Variants in METTL23 observed in about 807,000 individuals in gnomAD.
The protein encoded by METTL23 is histone-arginine methyltransferase METTL23.
A neutral mutation model predicts 21.2 loss-of-function variants in METTL23; 24 were observed. The ratio of observed to expected loss-of-function variants is 1.13; its 90% CI spans 0.82 to 1.59. METTL23 has a LOEUF of 1.59. Ranked by LOEUF, METTL23 falls within the 40% of genes most tolerant of loss-of-function variation. METTL23 has a pLI of 0.00. For synonymous variants in METTL23, 97 were observed against 75.2 expected (o/e 1.29, Z -1.50); for missense variants, 276 against 221.4 (o/e 1.25, Z -1.57).
At chr17:76,731,407 G>C (rs895127884) in intron 2 of METTL23, among the ~76,000 whole-genome samples, 1 of 152,196 alleles carries the variant, frequency 6.6e-6, no homozygotes, top group Admixed American at 6.5e-5. Context: ...TAAGTGTCTT[G>C]TACCTTAAGA....
Position 76,727,175 on chromosome 17 carries a change from G to T in METTL23, c.-25G>T, listed in dbSNP as rs1427702916. 1 of 414,970 alleles carries T rather than the reference G, an allele frequency of 2.4e-6. No individual in the cohort carries two copies. The highest frequency in any genetic ancestry group is 1.6e-5 in the South Asian group (1 of 61,216). 25.7% of individuals were successfully genotyped at this position (414,970 alleles called of 1,614,324 possible). A position where few individuals can be genotyped will look rare whatever the true frequency, so the allele number is the denominator to read the frequency against. The stretch of plus-strand genomic sequence containing the variant: ...GGGCTGTCCTGGAGGTCCACGTCCC[G>T]CAGGTGCGTGCAGCAGCACCCGCCA... On this transcript the variant is annotated 5_prime_UTR_variant, in exon 1 of 5. Transcript: ENST00000341249.
chr17:76,732,856 C>T (rs4789351), intron 2 of METTL23, 122 bp from the exon 3 acceptor site: 758,079 of 783,080 alleles, frequency 0.97, 369,863 homozygotes, highest in Non-Finnish European at 1. Flanking sequence ...TTTATACAAA[C>T]CCAGAAAGAC....
rs1033547068 is a variant in METTL23 at position 76,727,065 on chromosome 17, C to G, written c.-135C>G. On this transcript the variant is annotated 5_prime_UTR_variant, in exon 1 of 5. Coordinates refer to ENST00000341249, the MANE Select transcript of METTL23 (RefSeq NM_001080510.5). ...CGCCCGCCCGGGGCCCAACGACGCC[C>G]TACTGGGCGAGCACGATTTCCGAGG... 2 of 455,042 alleles carry G rather than the reference C, an allele frequency of 4.4e-6. No homozygotes were observed. The highest frequency in any genetic ancestry group is 8.8e-6 in the Non-Finnish European group (2 of 226,394). 28.2% of individuals were successfully genotyped at this position (455,042 alleles called of 1,614,324 possible).
chr17:76,729,093 C>G (rs993731240), intron 1 of METTL23, among the ~76,000 whole-genome samples: 2 of 150,552 alleles, frequency 1.3e-5, no homozygotes, highest in Non-Finnish European at 3.0e-5. Context: ...CCCACCACGC[C>G]CGGCCATTTT....
intron 2 of METTL23, chr17:76,732,746 T>C (rs2077272751): frequency 1.2e-5 from 7 of 570,734 alleles, no homozygotes; most frequent in African/African-American, 5.6e-5. Context: ...CATGGCCCTT[T>C]AATATTGAAA....
Position 76,726,902 on chromosome 17 carries a change from C to T in METTL23, c.-298C>T. 2.2e-6 allele frequency: 1 copy of T among 453,298 alleles called. No individual in the cohort carries two copies. Among genetic ancestry groups the T allele is most frequent in the Non-Finnish European group, 4.5e-6 (1 of 224,018 alleles). 28.1% of individuals were successfully genotyped at this position (453,298 alleles called of 1,614,324 possible). A position where few individuals can be genotyped will look rare whatever the true frequency, so the allele number is the denominator to read the frequency against. On this transcript the variant is annotated 5_prime_UTR_variant, in exon 1 of 5. Transcript: ENST00000341249. ...CGTGTGAGTCTCTTTCGCCTTGCTC[C>T]GGGCTTTCTTCGCTCGCAGCGCGGC... is the stretch of plus-strand genomic sequence containing the variant.
At chr17:76,726,543 C>T (rs767945332), upstream of METTL23, 25 of 1,513,854 alleles carry the variant, frequency 1.7e-5, no homozygotes, top group Non-Finnish European at 2.2e-5. Flanking sequence ...TAACGCACCC[C>T]TCCCCGGCCT....
chr17:76,729,825 T>A, intron 2 of METTL23, 31 bp downstream of exon 2: 1 of 1,502,580 alleles, frequency 6.7e-7, no homozygotes, highest in Admixed American at 1.9e-5. Context: ...TCCAGAGTTC[T>A]AGGTTATGTT....
At position 76,733,216 on chromosome 17, in the gene METTL23, G is replaced by GT. The variant is rs1278342620; in HGVS notation, c.322+2dup. ...TCTGATGTGTTCTTTGAACCAGAAG[G>GT]TAAGCTTTTTTGGCTCAATAGTACA... On this transcript the variant is annotated splice_donor_variant, in intron 3 of 4. Transcript: ENST00000341249. LOFTEE classifies it high-confidence loss of function. The GT allele has an allele frequency of 8.1e-6, 13 of 1,613,366 alleles. No individual in the cohort carries two copies. Among genetic ancestry groups the GT allele is most frequent in the Non-Finnish European group, 1.0e-5 (12 of 1,179,584 alleles).
In METTL23 at chr17:76,733,392, C is replaced by T. The variant is rs1347965470; in HGVS notation, c.407+15C>T. ...CAAGTTAGGAGGCAAGTATGGATGA[C>T]CCTTACTTTTTATATGTAACTTAAG... On this transcript the variant is annotated intron_variant, in intron 4 of 4. Coordinates refer to ENST00000341249, the MANE Select transcript of METTL23 (RefSeq NM_001080510.5). The T allele has an allele frequency of 1.9e-6, 3 of 1,610,614 alleles. No homozygotes were observed. Among genetic ancestry groups the T allele is most frequent in the East Asian group, 2.2e-5 (1 of 44,868 alleles).
intron 2 of METTL23, 116 bp from the exon 3 acceptor site, chr17:76,732,862 A>C (rs1054836268): frequency 1.5e-5 from 12 of 823,798 alleles, no homozygotes; most frequent in African/African-American, 3.4e-5. Context: ...CAAACCCAGA[A>C]AGACTGACTC....
At chr17:76,726,362 G>A (rs762967784), upstream of METTL23, 2 of 1,592,430 alleles carry the variant, frequency 1.3e-6, no homozygotes, top group Middle Eastern at 1.7e-4. Flanking sequence ...CGGCCGCCGG[G>A]CTCAGCGAGA....
rs1446972333 is a variant in METTL23 at position 76,726,862 on chromosome 17, G to A, written c.-338G>A. The A allele has an allele frequency of 4.8e-6, 2 of 414,980 alleles. No individual in the cohort carries two copies. The highest frequency in any genetic ancestry group is 8.0e-5 in the East Asian group (1 of 12,472). The allele number at this position is 414,980 out of a possible 1,614,324, so 25.7% of individuals were successfully genotyped here. On this transcript the variant is annotated 5_prime_UTR_variant, in exon 1 of 5. Coordinates refer to ENST00000341249, the MANE Select transcript of METTL23 (RefSeq NM_001080510.5). ...TCACTTCCGGTCGCGCCAGCCGCCC[G>A]TTGCCAGTTCTGCGCGTGTGAGTCT...
intron 2 of METTL23, among the ~76,000 whole-genome samples, chr17:76,732,408 G>T (rs185128795): frequency 1.3e-5 from 2 of 152,070 alleles, no homozygotes; most frequent in Admixed American, 6.6e-5. Flanking sequence ...GGCTGAGGCA[G>T]AATTGCTTGA....
rs527832762 is a variant in METTL23, at chr17:76,733,621, T to C, written c.508T>C (p.Ser170Pro). 8.7e-6 allele frequency: 14 copies of C among 1,613,916 alleles called. No individual in the cohort carries two copies. The South Asian group carries it at 1.5e-4, about 18-fold the overall frequency. The change falls in exon 5 of 5, where the codon TCT (serine) becomes CCT (proline). Residue 170 changes from serine to proline, a missense_variant. Transcript: ENST00000341249. ...TGCAGACAAAGAAGATATAGCAGAA[T>C]CTACCCTTCCAGGAAGACATACAGT... ...FDADKEDIAE[S>P]TLPGRHTVEM...
intron 2 of METTL23, 119 bp from the exon 3 acceptor site, chr17:76,732,859 A>T: frequency 1.2e-6 from 1 of 812,142 alleles, no homozygotes; most frequent in Non-Finnish European, 2.0e-6. Flanking sequence ...ATACAAACCC[A>T]GAAAGACTGA....
At chr17:76,728,822 C>T (rs1292310704) in intron 1 of METTL23, among the ~76,000 whole-genome samples, 10 of 118,424 alleles carry the variant, frequency 8.4e-5, no homozygotes, top group Non-Finnish European at 1.5e-4. Flanking sequence ...GAGTTGGAGT[C>T]TTGCTCTGTC....
chr17:76,729,668 C>T (rs1218947216), intron 1 of METTL23, 22 bp from the exon 2 acceptor site: 5 of 1,459,806 alleles, frequency 3.4e-6, no homozygotes, highest in Non-Finnish European at 4.7e-6. Context: ...TTATTTATGG[C>T]ACACAAAAAC....
chr17:76,732,684 A>T (rs186704375), intron 2 of METTL23: 243 of 420,824 alleles, frequency 5.8e-4, no homozygotes, highest in African/African-American at 4.3e-3. Context: ...AGAGGAATCA[A>T]GTGCCCCAAA....
Sources: gnomAD v4.1 joint callset for allele counts (sites outside exome capture counted in the v4.1 genomes callset) on GRCh38, gnomAD v4.1.1 for gene constraint, MANE v1.5 for transcripts, NCBI Gene and HGNC (gene_info 2026-07-23, HGNC 2026-07-21) for gene names.